The following SLC36A1 variants were observed in gnomAD, a reference collection of about 807,000 sequenced individuals.
SLC36A1 encodes the protein solute carrier family 36 member 1, also known as proton-coupled amino acid transporter 1.
SLC36A1 carries 30 observed loss-of-function variants against 47.5 expected under a neutral mutation model. That is an observed-to-expected ratio of 0.63 (90% CI 0.47 to 0.86). SLC36A1 has a LOEUF of 0.86. SLC36A1 is among the 40% of genes least tolerant of loss of function. The pLI, the probability that SLC36A1 is intolerant of heterozygous loss-of-function variation, is 0.00. For missense variants in SLC36A1, 517 were observed against 606.0 expected (o/e 0.85, Z 1.54); for synonymous variants, 255 against 249.7 (o/e 1.02, Z -0.20).
At chr5:151,550,288 T>C in the SLC36A1 span, among the ~76,000 whole-genome samples, 1,470 of 152,306 alleles carry the variant, frequency 9.7e-3, 21 homozygotes, top group African/African-American at 0.034. Context: ...AGCTCTGACA[T>C]TACATGAATC....
the SLC36A1 span, among the ~76,000 whole-genome samples, chr5:151,355,071 A>C: frequency 0.18 from 27,469 of 152,124 alleles, 2,847 homozygotes; most frequent in Non-Finnish European, 0.24. Flanking sequence ...GTAACCAGCA[A>C]AAAGTCTGGC....
At chr5:151,527,448 C>T in the SLC36A1 span, 3 of 1,411,966 alleles carry the variant, frequency 2.1e-6, no homozygotes, top group African/African-American at 1.4e-5. Context: ...TGAGTCATCA[C>T]TAATATTTTC....
the SLC36A1 span, among the ~76,000 whole-genome samples, chr5:151,391,226 A>AATGCT: frequency 6.6e-6 from 1 of 152,126 alleles, no homozygotes; most frequent in Non-Finnish European, 1.5e-5. Flanking sequence ...GGTGTATAAG[A>AATGCT]ATGCTTCTGA....
At chr5:151,554,558 C>G in the SLC36A1 span, 1 of 1,614,158 alleles carries the variant, frequency 6.2e-7, no homozygotes, top group Non-Finnish European at 8.5e-7. Context: ...CTCTGGAAGG[C>G]GGACATTGAA....
At chr5:151,532,048 A>G in the SLC36A1 span, 7 of 1,552,894 alleles carry the variant, frequency 4.5e-6, no homozygotes, top group East Asian at 1.4e-4. Context: ...CTGCAGCCAC[A>G]GGAGGGGCTG....
At chr5:151,440,787 CA>C (rs1752580009) in intron 1 of SLC36A1, among the ~76,000 whole-genome samples, 1 of 151,992 alleles carries the variant, frequency 6.6e-6, no homozygotes, top group Admixed American at 6.6e-5. Flanking sequence ...AAATGGAGAT[CA>C]AAAGTCTTGC....
the SLC36A1 span, among the ~76,000 whole-genome samples, chr5:151,541,208 C>T: frequency 6.6e-6 from 1 of 152,156 alleles, no homozygotes; most frequent in African/African-American, 2.4e-5. Context: ...TGTAGGAGCA[C>T]TAGGGTTTGC....
the SLC36A1 span, among the ~76,000 whole-genome samples, chr5:151,421,460 C>T: frequency 2.7e-5 from 4 of 150,326 alleles, no homozygotes; most frequent in Non-Finnish European, 5.9e-5. Flanking sequence ...CCAGGTTGGA[C>T]TCCACTCCTG....
chr5:151,504,440 AC>A, the SLC36A1 span: 1 of 152,658 alleles, frequency 6.6e-6, no homozygotes, highest in African/African-American at 2.4e-5. Context: ...ATCCATGGGC[AC>A]CCACATGTGT....
intron 10 of SLC36A1, among the ~76,000 whole-genome samples, chr5:151,482,199 C>T (rs983700155): frequency 6.6e-6 from 1 of 152,168 alleles, no homozygotes; most frequent in African/African-American, 2.4e-5. Context: ...TACCTTTGGG[C>T]CTTTCACACT....
In SLC36A1 at chr5:151,469,125, A is replaced by G. The variant is rs2127501813; in HGVS notation, c.723+1200A>G. 5 of 457,158 alleles carry G rather than the reference A, an allele frequency of 1.1e-5. No individual in the cohort carries two copies. In the East Asian group the frequency reaches 1.7e-4, roughly 15 times the overall value. 28.3% of individuals were successfully genotyped at this position (457,158 alleles called of 1,614,324 possible). A position where few individuals can be genotyped will look rare whatever the true frequency, so the allele number is the denominator to read the frequency against. Reference sequence around the variant, plus strand: ...AAAATACTTAAATTCAGTTCCCCAAATAATTCATCAGTACATATTCATTAA... The same window carrying G: ...AAAATACTTAAATTCAGTTCCCCAAGTAATTCATCAGTACATATTCATTAA... On this transcript the variant is annotated intron_variant, in intron 7 of 10. Transcript: ENST00000243389.
rs1009198899 is a variant in SLC36A1, at chr5:151,490,379, C to T, written c.*2125C>T. The T allele has an allele frequency of 3.3e-5, 5 of 152,236 alleles. No homozygotes were observed. The highest frequency in any genetic ancestry group is 9.7e-5 in the African/African-American group (4 of 41,442). The allele number at this position is 152,236 out of a possible 1,614,324, so 9.4% of individuals were successfully genotyped here. A position where few individuals can be genotyped will look rare whatever the true frequency, so the allele number is the denominator to read the frequency against. ...TTCCCAGCGGTGCTAAGAGTGGTCT[C>T]AGTGAGAAGGTAGATGCCAACTGGA... On this transcript the variant is annotated 3_prime_UTR_variant, in exon 11 of 11. Coordinates refer to ENST00000243389, the MANE Select transcript of SLC36A1 (RefSeq NM_078483.4).
the SLC36A1 span, among the ~76,000 whole-genome samples, chr5:151,550,359 T>C: frequency 6.6e-6 from 1 of 151,946 alleles, no homozygotes; most frequent in Non-Finnish European, 1.5e-5. Context: ...CTGGGGTGAG[T>C]CCAGAGAAAG....
In SLC36A1 at chr5:151,467,182, TC is replaced by T. The variant is rs760283256; in HGVS notation, c.420-15del. On this transcript the variant is annotated splice_polypyrimidine_tract_variant and intron_variant, in intron 5 of 10. Transcript: ENST00000243389. The stretch of plus-strand genomic sequence containing the variant: ...GTATTGTAACAGTCTTTGTATTCCT[TC>T]CTTCCCCACCTCCAGACGTGTTGTG... 65 of 1,586,822 alleles carry T rather than the reference TC, an allele frequency of 4.1e-5. No individual in the cohort carries two copies. Among genetic ancestry groups the T allele is most frequent in the Non-Finnish European group, 5.4e-5 (63 of 1,161,840 alleles).
At chr5:151,545,839 A>G in the SLC36A1 span, 7 of 1,614,124 alleles carry the variant, frequency 4.3e-6, no homozygotes, top group Admixed American at 1.0e-4. Flanking sequence ...TTGGCCCACA[A>G]AAGTTGACTT....
chr5:151,481,230 T>G (rs915561228), intron 10 of SLC36A1, among the ~76,000 whole-genome samples: 6 of 152,238 alleles, frequency 3.9e-5, no homozygotes, highest in African/African-American at 1.4e-4. Context: ...GCTTTTGGTC[T>G]TCAAGTGTGT....
the SLC36A1 span, chr5:151,537,738 A>G: frequency 6.5e-7 from 1 of 1,530,724 alleles, no homozygotes; most frequent in Non-Finnish European, 8.9e-7. Flanking sequence ...GGCACTGGGC[A>G]CTTGGTATTC....
the SLC36A1 span, among the ~76,000 whole-genome samples, chr5:151,385,413 T>C: frequency 2.0e-5 from 3 of 152,202 alleles, no homozygotes; most frequent in Admixed American, 2.0e-4. Flanking sequence ...GAGCAGACTG[T>C]GGGGCTCCTA....
At chr5:151,482,413 T>A in intron 10 of SLC36A1, among the ~76,000 whole-genome samples, 1 of 152,202 alleles carries the variant, frequency 6.6e-6, no homozygotes, top group East Asian at 1.9e-4. Flanking sequence ...GCGCTTGATT[T>A]TAAGTTTCTA....
Sources: allele counts gnomAD v4.1 joint callset (sites outside exome capture counted in the v4.1 genomes callset), GRCh38; gene constraint gnomAD v4.1.1; transcripts MANE v1.5; gene names NCBI Gene and HGNC (gene_info 2026-07-23, HGNC 2026-07-21).